YWHAE: variants seen among roughly 807,000 people sequenced by gnomAD.
YWHAE encodes tyrosine 3-monooxygenase/tryptophan 5-monooxygenase activation protein epsilon.
YWHAE carries 4 observed loss-of-function variants against 30.1 expected under a neutral mutation model. The ratio of observed to expected loss-of-function variants is 0.13; its 90% confidence interval spans 0.07 to 0.30. The LOEUF is 0.30. Among genes scored for constraint, YWHAE ranks in the 10% least tolerant of loss-of-function variants. YWHAE has a pLI of 1.00. For synonymous variants in YWHAE, 118 were observed against 111.8 expected (o/e 1.06, Z -0.35); for missense variants, 121 against 315.9 (o/e 0.38, Z 4.68).
chr17:1,358,317 G>C (rs181827749), intron 4 of YWHAE, among the ~76,000 whole-genome samples: 1,901 of 152,170 alleles, frequency 0.012, 32 homozygotes, highest in African/African-American at 0.043. Flanking sequence ...TTGGCTCACT[G>C]CAAGTTCCGC....
intron 5 of YWHAE, chr17:1,352,040 C>T (rs571051131): frequency 6.6e-6 from 1 of 152,028 alleles, no homozygotes; most frequent in Non-Finnish European, 1.5e-5. Context: ...ACCTTGGCCT[C>T]CCAAAGTGCT....
chr17:1,353,843 T>C (rs1263471786), intron 5 of YWHAE, among the ~76,000 whole-genome samples: 3 of 151,918 alleles, frequency 2.0e-5, no homozygotes, highest in Non-Finnish European at 2.9e-5. Flanking sequence ...ACCAGTTCCC[T>C]TTTAGATAAA....
intron 1 of YWHAE, among the ~76,000 whole-genome samples, chr17:1,381,933 A>AAAG (rs1491485583): frequency 1.2e-4 from 17 of 144,146 alleles, no homozygotes; most frequent in East Asian, 2.2e-4. Context: ...AAAAAAAAAA[A>AAAG]GACAGGCAGA....
intron 1 of YWHAE, 51 bp from the exon 2 acceptor site, chr17:1,365,109 C>T (rs1380667118): frequency 2.6e-6 from 4 of 1,559,590 alleles, no homozygotes; most frequent in South Asian, 2.4e-5. Flanking sequence ...GTTTTCTTAA[C>T]ATATTCCTTT....
chr17:1,383,804 C>G (rs944006971), intron 1 of YWHAE, among the ~76,000 whole-genome samples: 1 of 152,114 alleles, frequency 6.6e-6, no homozygotes, highest in African/African-American at 2.4e-5. Context: ...AGTATTCCCG[C>G]AATCTCCGCA....
chr17:1,361,985 G>A lies in YWHAE; in HGVS notation c.288C>T (p.Ile96=), dbSNP rs767528415. Residue 96 remains isoleucine (I), a synonymous_variant, in exon 3 of 6, where the codon ATC becomes ATT. Transcript: ENST00000264335. ...RQMVETELKL[I]CCDILDVLDK... is the part of the protein sequence containing the mutation. ...CCAGTACATCCAGAATGTCACAACAGATTAACTTTAGCTCAGTCTCAACCT... is the reference window on the plus strand; with the variant it reads ...CCAGTACATCCAGAATGTCACAACAAATTAACTTTAGCTCAGTCTCAACCT... 2.5e-6 allele frequency: 4 copies of A among 1,593,384 alleles called. No individual in the cohort carries two copies. Among genetic ancestry groups the A allele is most frequent in the Non-Finnish European group, 3.4e-6 (4 of 1,173,510 alleles).
chr17:1,381,172 G>C (rs574511057), intron 1 of YWHAE, among the ~76,000 whole-genome samples: 1 of 152,296 alleles, frequency 6.6e-6, no homozygotes, highest in East Asian at 1.9e-4. Context: ...GAGGTCAGGA[G>C]TTACAGACTG....
intron 5 of YWHAE, among the ~76,000 whole-genome samples, chr17:1,352,780 G>A (rs75543711): frequency 0.088 from 13,403 of 152,006 alleles, 946 homozygotes; most frequent in Admixed American, 0.23. Context: ...CCGCCATGGC[G>A]TCCCAAAGTG....
intron 1 of YWHAE, among the ~76,000 whole-genome samples, chr17:1,375,692 G>A (rs1189015160): frequency 1.3e-5 from 2 of 152,138 alleles, no homozygotes; most frequent in African/African-American, 4.8e-5. Flanking sequence ...TTCCAAGTAA[G>A]TTTCCCTTCA....
intron 1 of YWHAE, chr17:1,399,754 G>T (rs1219160268): frequency 2.8e-4 from 19 of 67,996 alleles, no homozygotes; most frequent in Non-Finnish European, 4.7e-4. Context: ...CCCCTCCCCC[G>T]CCCCGGGACT....
chr17:1,373,337 T>C (rs566061961), intron 1 of YWHAE, among the ~76,000 whole-genome samples: 1 of 151,962 alleles, frequency 6.6e-6, no homozygotes, highest in East Asian at 2.0e-4. Context: ...ACGTCAAAGA[T>C]TACTGATCAC....
intron 4 of YWHAE, among the ~76,000 whole-genome samples, chr17:1,358,326 G>C (rs185541643): frequency 0.012 from 1,889 of 152,080 alleles, 18 homozygotes; most frequent in African/African-American, 0.031. Context: ...TGCAAGTTCC[G>C]CCTCCCAGGT....
intron 4 of YWHAE, among the ~76,000 whole-genome samples, chr17:1,358,809 A>G (rs1357540125): frequency 1.5e-5 from 2 of 137,030 alleles, no homozygotes; most frequent in East Asian, 2.2e-4. Context: ...CAGCCTGGCC[A>G]GCAGAGCGAG....
chr17:1,357,411 A>AAC (rs1296856185), intron 4 of YWHAE, among the ~76,000 whole-genome samples: 1 of 144,426 alleles, frequency 6.9e-6, no homozygotes, highest in African/African-American at 2.6e-5. Flanking sequence ...TCAAAAAAAA[A>AAC]AAAAAAAAAA....
At chr17:1,376,500 T>C (rs1473784363) in intron 1 of YWHAE, among the ~76,000 whole-genome samples, 1 of 152,112 alleles carries the variant, frequency 6.6e-6, no homozygotes, top group Non-Finnish European at 1.5e-5. Context: ...AAGCTTACTT[T>C]ATTCTTTTCT....
intron 5 of YWHAE, among the ~76,000 whole-genome samples, chr17:1,352,504 T>C (rs985321956): frequency 5.3e-5 from 8 of 152,002 alleles, no homozygotes; most frequent in Admixed American, 5.3e-4. Flanking sequence ...ATATGTTTTA[T>C]GTTTCAGCCT....
intron 2 of YWHAE, among the ~76,000 whole-genome samples, chr17:1,362,877 T>C (rs1322668205): frequency 6.6e-6 from 1 of 152,170 alleles, no homozygotes; most frequent in African/African-American, 2.4e-5. Flanking sequence ...GGAAGACTTC[T>C]AAGTTCTCCT....
At chr17:1,399,854 G>A (rs1291980641) in intron 1 of YWHAE, 193 bp downstream of exon 1, 6 of 669,442 alleles carry the variant, frequency 9.0e-6, no homozygotes, top group African/African-American at 7.3e-5. Context: ...GTTAAGGACG[G>A]CGAAGGGGTC....
rs546895071 is a variant in YWHAE at position 1,354,711 on chromosome 17, G to A, written c.579-364C>T. On this transcript the variant is annotated intron_variant, in intron 4 of 5. Transcript: ENST00000264335. Reference sequence around the variant, plus strand: ...GGAGTCTGGCTCTGTCGCCCAGGCTGGAGTGCAGTGGCGTGATCTCGGCTC... The same window carrying A: ...GGAGTCTGGCTCTGTCGCCCAGGCTAGAGTGCAGTGGCGTGATCTCGGCTC... Among the ~76,000 whole-genome samples the A allele has an allele frequency of 4.6e-5, 7 of 152,284 alleles. No individual in the cohort carries two copies. The East Asian group carries it at 1.4e-3, about 29-fold the overall frequency.
Sources: gnomAD v4.1 joint callset for allele counts (sites outside exome capture counted in the v4.1 genomes callset) on GRCh38, gnomAD v4.1.1 for gene constraint, MANE v1.5 for transcripts, NCBI Gene and HGNC (gene_info 2026-07-23, HGNC 2026-07-21) for gene names.